PTPRD: variants seen among roughly 807,000 people sequenced by gnomAD.
The protein encoded by PTPRD is protein tyrosine phosphatase receptor type D, also known as receptor-type tyrosine-protein phosphatase delta.
Under a neutral mutation model 214.5 loss-of-function variants are expected in PTPRD, and 34 were observed. The ratio of observed to expected loss-of-function variants is 0.16; its 90% CI spans 0.12 to 0.21. The LOEUF (loss-of-function observed/expected upper bound fraction) is 0.21, where lower values mean the gene tolerates loss of function less well. PTPRD is among the 10% of genes least tolerant of loss of function. PTPRD has a pLI of 1.00. For synonymous variants in PTPRD, 1,128 were observed against 845.7 expected (o/e 1.33, Z -5.79); for missense variants, 2,545 against 2,398.7 (o/e 1.06, Z -1.27).
At chr9:8,633,230 C>G (rs1228315766) in intron 14 of PTPRD, 87 bp downstream of exon 14, 3 of 1,477,602 alleles carry the variant, frequency 2.0e-6, no homozygotes, top group Admixed American at 2.2e-5. Context: ...TAAGCACCAT[C>G]ACAATGCTAG....
chr9:9,473,547 C>A (rs1291364054), intron 8 of PTPRD, among the ~76,000 whole-genome samples: 3 of 152,000 alleles, frequency 2.0e-5, no homozygotes, highest in African/African-American at 4.8e-5. Context: ...TCTAAGAAAC[C>A]CCCATCCTGT....
intron 5 of PTPRD, among the ~76,000 whole-genome samples, chr9:9,932,470 G>A (rs1462876010): frequency 1.4e-5 from 2 of 143,938 alleles, no homozygotes; most frequent in African/African-American, 2.7e-5. Context: ...TGGAAGAAAG[G>A]GTATCAGCAA....
intron 15 of PTPRD, 109 bp from the exon 16 acceptor site, chr9:8,527,462 A>G (rs2074486190): frequency 2.2e-6 from 2 of 909,840 alleles, no homozygotes; most frequent in South Asian, 1.6e-5. Flanking sequence ...TAAATCATCT[A>G]TGTTACATGT....
chr9:10,311,177 T>C (rs1317595613), intron 3 of PTPRD, among the ~76,000 whole-genome samples: 2 of 151,976 alleles, frequency 1.3e-5, no homozygotes, highest in African/African-American at 2.4e-5. Flanking sequence ...GGAAAAAACC[T>C]AGGAAGGTGC....
intron 8 of PTPRD, among the ~76,000 whole-genome samples, chr9:9,449,566 T>C (rs1054917188): frequency 2.0e-5 from 3 of 151,896 alleles, no homozygotes; most frequent in African/African-American, 4.8e-5. Context: ...ACTAGTTCAT[T>C]TGAGTCCTCC....
At chr9:8,618,929 T>G (rs1168662265) in intron 14 of PTPRD, among the ~76,000 whole-genome samples, 103 of 145,386 alleles carry the variant, frequency 7.1e-4, no homozygotes, top group African/African-American at 2.2e-3. Flanking sequence ...TTTTTTTTTT[T>G]TTTTTTTTTT....
intron 10 of PTPRD, among the ~76,000 whole-genome samples, chr9:9,107,682 A>C (rs2099800587): frequency 6.6e-6 from 1 of 152,134 alleles, no homozygotes; most frequent in Non-Finnish European, 1.5e-5. Context: ...CTTTGGTTGG[A>C]AAGTTTTTCA....
intron 44 of PTPRD, among the ~76,000 whole-genome samples, chr9:8,325,716 G>A (rs1024166042): frequency 2.0e-5 from 3 of 152,082 alleles, no homozygotes; most frequent in African/African-American, 7.2e-5. Context: ...CTATCCGTGA[G>A]CATGGAATGT....
intron 14 of PTPRD, among the ~76,000 whole-genome samples, chr9:8,531,143 T>A (rs1038272959): frequency 4.6e-5 from 7 of 152,052 alleles, no homozygotes; most frequent in African/African-American, 7.2e-5. Context: ...TGTTTACACA[T>A]CGTCAGCCAA....
intron 11 of PTPRD, among the ~76,000 whole-genome samples, chr9:8,882,345 A>G (rs529431160): frequency 6.6e-6 from 1 of 152,314 alleles, no homozygotes; most frequent in Non-Finnish European, 1.5e-5. Flanking sequence ...TACAGATTGC[A>G]AAATTACAGA....
intron 5 of PTPRD, among the ~76,000 whole-genome samples, chr9:9,801,681 G>C (rs183317082): frequency 6.6e-6 from 1 of 152,084 alleles, no homozygotes; most frequent in Admixed American, 6.6e-5. Flanking sequence ...AGTTTATAGG[G>C]TAATAATTTC....
intron 35 of PTPRD, among the ~76,000 whole-genome samples, chr9:8,435,753 G>C (rs1010753159): frequency 6.6e-6 from 1 of 150,598 alleles, no homozygotes; most frequent in Non-Finnish European, 1.5e-5. Context: ...ATACACACAG[G>C]CTTTTAATTT....
intron 45 of PTPRD, among the ~76,000 whole-genome samples, chr9:8,319,437 G>A (rs1825102921): frequency 1.3e-5 from 2 of 151,828 alleles, no homozygotes; most frequent in African/African-American, 4.8e-5. Flanking sequence ...TACCTCTGTA[G>A]GCATACAGAG....
chr9:10,477,413 A>C (rs147477051), intron 2 of PTPRD, among the ~76,000 whole-genome samples: 1 of 152,196 alleles, frequency 6.6e-6, no homozygotes, highest in Non-Finnish European at 1.5e-5. Context: ...GAGAAATGCA[A>C]ATCAAAACCA....
In PTPRD at chr9:10,236,888, ATACT is replaced by A. The variant is rs570717829; in HGVS notation, c.-545+104071_-545+104074del. Among the ~76,000 whole-genome samples, 58 of 152,086 alleles carry A rather than the reference ATACT, an allele frequency of 3.8e-4. No individual in the cohort carries two copies. In the South Asian group the frequency reaches 0.012, roughly 31 times the overall value. On this transcript the variant is annotated intron_variant, in intron 3 of 45. Transcript: ENST00000381196. ...ATAACTGACCATTAACCTGTAAAAA[ATACT>A]TACACCATTAAGTATTAAAAATATT...
At chr9:10,401,710 A>G (rs1443988269) in intron 2 of PTPRD, among the ~76,000 whole-genome samples, 1 of 150,128 alleles carries the variant, frequency 6.7e-6, no homozygotes, top group African/African-American at 2.4e-5. Context: ...ATTCAGATAT[A>G]AAAAATAATT....
chr9:8,804,598 C>T (rs1159055940), intron 11 of PTPRD, among the ~76,000 whole-genome samples: 1 of 151,756 alleles, frequency 6.6e-6, no homozygotes, highest in Admixed American at 6.6e-5. Context: ...ACTCTGTCTC[C>T]AAAAAACAAA....
chr9:8,686,036 T>C (rs1263666653), intron 12 of PTPRD, among the ~76,000 whole-genome samples: 1 of 152,202 alleles, frequency 6.6e-6, no homozygotes, highest in African/African-American at 2.4e-5. Flanking sequence ...ATCTGAATGC[T>C]AAGGGACTCT....
chr9:8,900,794 G>A (rs1326233400), intron 11 of PTPRD, among the ~76,000 whole-genome samples: 1 of 152,150 alleles, frequency 6.6e-6, no homozygotes, highest in African/African-American at 2.4e-5. Context: ...AAAGAATTTA[G>A]GATTGCAGTT....
Sources: allele counts gnomAD v4.1 joint callset (sites outside exome capture counted in the v4.1 genomes callset), GRCh38; gene constraint gnomAD v4.1.1; transcripts MANE v1.5; gene names NCBI Gene and HGNC (gene_info 2026-07-23, HGNC 2026-07-21).